Variants in ALK observed in about 807,000 individuals in gnomAD.
ALK encodes the protein ALK receptor tyrosine kinase, also known as ALK tyrosine kinase receptor.
ALK carries 74 observed loss-of-function variants against 163.1 expected under a neutral mutation model. The observed-to-expected ratio is 0.45, with a 90% confidence interval of 0.38 to 0.55. ALK has a LOEUF of 0.55. ALK is among the 20% of genes least tolerant of loss of function. The pLI is 0.00. For missense variants in ALK, 2,063 were observed against 2,105.3 expected, an observed-to-expected ratio of 0.98 and a Z score of 0.39; for synonymous variants, 960 against 843.2, an observed-to-expected ratio of 1.14 and a Z score of -2.40.
At chr2:29,342,309 C>A (rs894506343) in intron 5 of ALK, among the ~76,000 whole-genome samples, 7 of 152,106 alleles carry the variant, frequency 4.6e-5, no homozygotes, top group Non-Finnish European at 1.0e-4. Context: ...TATGGATGAA[C>A]CTTGAAGACA....
intron 4 of ALK, among the ~76,000 whole-genome samples, chr2:29,429,499 A>G (rs1409540112): frequency 6.6e-6 from 1 of 152,092 alleles, no homozygotes; most frequent in Admixed American, 6.6e-5. Flanking sequence ...AGCATAAAGA[A>G]TAAAATGGAA....
At chr2:29,906,011 G>A (rs1439665411) in intron 1 of ALK, among the ~76,000 whole-genome samples, 7 of 152,178 alleles carry the variant, frequency 4.6e-5, no homozygotes, top group Non-Finnish European at 1.5e-5. Context: ...TTCTGCCCAT[G>A]CCTACCGCTA....
intron 5 of ALK, among the ~76,000 whole-genome samples, chr2:29,333,865 G>T (rs10168343): frequency 0.015 from 2,317 of 152,278 alleles, 52 homozygotes; most frequent in African/African-American, 0.052. Flanking sequence ...TCCTGCCTCA[G>T]CCTCCTGAAG....
chr2:29,632,026 C>G (rs1676393001), intron 3 of ALK, among the ~76,000 whole-genome samples: 1 of 152,194 alleles, frequency 6.6e-6, no homozygotes. Context: ...GAAAATTGCA[C>G]AAATCCCATG....
At chr2:29,811,240 C>G (rs550348843) in intron 1 of ALK, among the ~76,000 whole-genome samples, 134 of 143,398 alleles carry the variant, frequency 9.3e-4, no homozygotes, top group African/African-American at 3.2e-3. Context: ...TGACTCCCCC[C>G]CTTTGAAACT....
intron 3 of ALK, among the ~76,000 whole-genome samples, chr2:29,581,613 C>A (rs549940163): frequency 2.6e-5 from 4 of 152,106 alleles, no homozygotes; most frequent in Non-Finnish European, 4.4e-5. Context: ...GTGGCCTGGG[C>A]GCCTTGAGGC....
intron 28 of ALK, among the ~76,000 whole-genome samples, chr2:29,194,534 C>T (rs895197610): frequency 5.9e-5 from 9 of 152,130 alleles, no homozygotes; most frequent in Admixed American, 5.9e-4. Flanking sequence ...CAGTCTTGCT[C>T]AGTCGCCCAG....
At chr2:29,694,694 C>T (rs1678500270) in intron 3 of ALK, among the ~76,000 whole-genome samples, 156 bp downstream of exon 3, 1 of 152,308 alleles carries the variant, frequency 6.6e-6, no homozygotes, top group Admixed American at 6.5e-5. Flanking sequence ...CCCCTCCTTG[C>T]ATGGCCCAAG....
At chr2:29,436,749 C>A (rs1286190061) in intron 4 of ALK, among the ~76,000 whole-genome samples, 1 of 152,166 alleles carries the variant, frequency 6.6e-6, no homozygotes, top group East Asian at 1.9e-4. Context: ...CTTGTGGTTC[C>A]TTGATACCTC....
chr2:29,856,392 T>C (rs1045876129), intron 1 of ALK, among the ~76,000 whole-genome samples: 2 of 152,226 alleles, frequency 1.3e-5, no homozygotes, highest in African/African-American at 4.8e-5. Context: ...CTACTACCTG[T>C]AATATAAGCT....
At chr2:29,334,761 C>T (rs1667558418) in intron 5 of ALK, among the ~76,000 whole-genome samples, 1 of 152,238 alleles carries the variant, frequency 6.6e-6, no homozygotes, top group Non-Finnish European at 1.5e-5. Flanking sequence ...GCACGGCCTT[C>T]TCTGTCCCAC....
intron 5 of ALK, among the ~76,000 whole-genome samples, chr2:29,336,200 C>G (rs747406317): frequency 6.6e-6 from 1 of 152,202 alleles, no homozygotes; most frequent in African/African-American, 2.4e-5. Context: ...CACTGTTGAT[C>G]TCAAATCCTG....
intron 13 of ALK, among the ~76,000 whole-genome samples, chr2:29,237,489 G>A (rs1458069190): frequency 6.6e-6 from 1 of 152,132 alleles, no homozygotes; most frequent in Non-Finnish European, 1.5e-5. Flanking sequence ...GAGCATCGAT[G>A]AACCTCTGGG....
chr2:29,200,269 T>C (rs1227657110), intron 26 of ALK, among the ~76,000 whole-genome samples: 1 of 152,188 alleles, frequency 6.6e-6, no homozygotes, highest in Admixed American at 6.5e-5. Flanking sequence ...TAAAGAATTA[T>C]AGCTATATGT....
chr2:29,674,104 A>G (rs1425246316), intron 3 of ALK, among the ~76,000 whole-genome samples: 1 of 148,880 alleles, frequency 6.7e-6, no homozygotes, highest in Non-Finnish European at 1.5e-5. Flanking sequence ...TAGATATACA[A>G]TCATGTCGTC....
chr2:29,618,092 C>G (rs1326083118), intron 3 of ALK, among the ~76,000 whole-genome samples: 2 of 152,188 alleles, frequency 1.3e-5, no homozygotes, highest in African/African-American at 4.8e-5. Context: ...AGGGGTCAAG[C>G]CAGACCTTTA....
intron 1 of ALK, among the ~76,000 whole-genome samples, chr2:29,791,632 A>AATAT (rs138726243): frequency 4.0e-5 from 6 of 150,724 alleles, no homozygotes; most frequent in Admixed American, 3.3e-4. Flanking sequence ...TATAATTAAA[A>AATAT]ATATATATAT....
In ALK at chr2:29,920,338, C is replaced by T. The variant is rs1338077965; in HGVS notation, c.322G>A (p.Val108Ile). Residue 108 changes from valine to isoleucine, a missense_variant, in exon 1 of 29, where the codon GTC becomes ATC. Physicochemically the swap from Val to Ile is conservative, Grantham distance 29. Transcript: ENST00000389048. Reference sequence around the variant, plus strand: ...GCTGGTGAACCGGCGGTCCAGGAGACCCCCGGCGCCGGCCCCAGCAACCTG... The same window carrying T: ...GCTGGTGAACCGGCGGTCCAGGAGATCCCCGGCGCCGGCCCCAGCAACCTG... ...LLRLLGPAPG[V>I]SWTAGSPAPA... 1.5e-5 allele frequency: 24 copies of T among 1,551,092 alleles called. No individual in the cohort carries two copies. Among genetic ancestry groups the T allele is most frequent in the Non-Finnish European group, 2.1e-5 (24 of 1,148,800 alleles).
chr2:29,400,275 G>A (rs1169493681), intron 4 of ALK, among the ~76,000 whole-genome samples: 1 of 152,196 alleles, frequency 6.6e-6, no homozygotes, highest in Non-Finnish European at 1.5e-5. Context: ...TTTAAAATTA[G>A]TGATAAATAT....
Sources: gnomAD v4.1 joint callset for allele counts (sites outside exome capture counted in the v4.1 genomes callset) on GRCh38, gnomAD v4.1.1 for gene constraint, MANE v1.5 for transcripts, NCBI Gene and HGNC (gene_info 2026-07-23, HGNC 2026-07-21) for gene names.